The following MECOM variants were observed in gnomAD, a reference collection of about 807,000 sequenced individuals.
The protein encoded by MECOM is histone-lysine N-methyltransferase MECOM.
In MECOM, 13 loss-of-function variants were observed where a neutral mutation model predicts 116.3. The ratio of observed to expected loss-of-function variants is 0.11; its 90% CI spans 0.07 to 0.18. The LOEUF (loss-of-function observed/expected upper bound fraction) is 0.18, where lower values mean the gene tolerates loss of function less well. Among genes scored for constraint, MECOM ranks in the 10% least tolerant of loss-of-function variants. MECOM has a pLI of 1.00. For missense variants in MECOM, 1,299 were observed against 1,509.0 expected, an observed-to-expected ratio of 0.86 and a Z score of 2.31; for synonymous variants, 528 against 535.2, an observed-to-expected ratio of 0.99 and a Z score of 0.19.
intron 1 of MECOM, among the ~76,000 whole-genome samples, chr3:169,651,600 G>A (rs1168537307): frequency 6.6e-6 from 1 of 152,112 alleles, no homozygotes; most frequent in African/African-American, 2.4e-5. Flanking sequence ...CTATGGGGAT[G>A]CAAAGGCATA....
chr3:169,369,155 T>C (rs564703734), intron 2 of MECOM, among the ~76,000 whole-genome samples: 145 of 152,002 alleles, frequency 9.5e-4, no homozygotes, highest in Non-Finnish European at 1.7e-3. Context: ...CTGGACTTCA[T>C]TGACATCTTT....
intron 1 of MECOM, among the ~76,000 whole-genome samples, chr3:169,385,660 T>C (rs1429075350): frequency 4.6e-5 from 7 of 152,186 alleles, no homozygotes; most frequent in African/African-American, 1.7e-4. Context: ...AATGCCTCCA[T>C]ATACATTACT....
chr3:169,516,631 T>C (rs1756663617), intron 1 of MECOM, among the ~76,000 whole-genome samples: 3 of 152,204 alleles, frequency 2.0e-5, no homozygotes, highest in African/African-American at 7.2e-5. Context: ...TGACCACATG[T>C]GACAGACCCA....
At chr3:169,266,383 T>C (rs1328924906) in intron 2 of MECOM, among the ~76,000 whole-genome samples, 1 of 152,218 alleles carries the variant, frequency 6.6e-6, no homozygotes, top group African/African-American at 2.4e-5. Flanking sequence ...TGGGTTGCAA[T>C]TTCAAGTGTT....
At chr3:169,384,754 A>G (rs1257134706) in intron 1 of MECOM, among the ~76,000 whole-genome samples, 1 of 152,084 alleles carries the variant, frequency 6.6e-6, no homozygotes, top group Non-Finnish European at 1.5e-5. Flanking sequence ...AATTTCCCCT[A>G]CTTCCTCAAA....
chr3:169,092,755 C>T (rs986348771), intron 14 of MECOM, among the ~76,000 whole-genome samples: 4 of 152,050 alleles, frequency 2.6e-5, no homozygotes, highest in Non-Finnish European at 4.4e-5. Flanking sequence ...GTGGCTATCT[C>T]ATAGGGTTAT....
intron 1 of MECOM, among the ~76,000 whole-genome samples, chr3:169,554,828 G>A (rs1761845925): frequency 6.6e-6 from 1 of 152,160 alleles, no homozygotes; most frequent in Admixed American, 6.5e-5. Flanking sequence ...CAACAAACAA[G>A]GTGAAGGAGG....
intron 2 of MECOM, among the ~76,000 whole-genome samples, chr3:169,270,922 TGG>T (rs1478104171): frequency 6.6e-6 from 1 of 152,204 alleles, no homozygotes; most frequent in Non-Finnish European, 1.5e-5. Flanking sequence ...AAATTATTGC[TGG>T]TTTTTAAATT....
Position 169,475,597 on chromosome 3 carries a change from A to T in MECOM, c.38-94073T>A, listed in dbSNP as rs9865522. ...AAAGTCGAAGTTTTTTTTTTTTCCG[A>T]ATCTAATAGCTGTCTTAAATCGGGT... On this transcript the variant is annotated intron_variant, in intron 1 of 16. Transcript: ENST00000651503. 1.0e-2 allele frequency among the ~76,000 whole-genome samples: 1,510 copies of T among 151,654 alleles called. 19 individuals carry two copies. The highest frequency in any genetic ancestry group is 0.035 in the African/African-American group (1,451 of 41,404).
At chr3:169,122,048 A>C (rs769051360) in intron 6 of MECOM, among the ~76,000 whole-genome samples, 1 of 152,186 alleles carries the variant, frequency 6.6e-6, no homozygotes, top group Non-Finnish European at 1.5e-5. Flanking sequence ...GTCTAAGTTG[A>C]GTACTTCCAT....
At chr3:169,595,236 C>A (rs1156609708) in intron 1 of MECOM, among the ~76,000 whole-genome samples, 2 of 152,100 alleles carry the variant, frequency 1.3e-5, no homozygotes, top group Non-Finnish European at 2.9e-5. Flanking sequence ...TTACAAATTA[C>A]CTTTCTAAAC....
chr3:169,226,505 A>T (rs1300800825), intron 2 of MECOM, among the ~76,000 whole-genome samples: 1 of 152,180 alleles, frequency 6.6e-6, no homozygotes, highest in Middle Eastern at 3.2e-3. Flanking sequence ...AGGTCTGGAG[A>T]TGATATTTAT....
chr3:169,522,988 T>C (rs926811338), intron 1 of MECOM, among the ~76,000 whole-genome samples: 9 of 152,200 alleles, frequency 5.9e-5, no homozygotes, highest in African/African-American at 1.4e-4. Flanking sequence ...TTCCCCAACA[T>C]AACAGATGTC....
intron 1 of MECOM, among the ~76,000 whole-genome samples, chr3:169,525,497 C>T (rs9851550): frequency 0.45 from 68,813 of 151,958 alleles, 16,608 homozygotes; most frequent in African/African-American, 0.62. Flanking sequence ...AGTATATAGC[C>T]TTTAATGCAT....
At chr3:169,320,062 G>A (rs912992463) in intron 2 of MECOM, among the ~76,000 whole-genome samples, 5 of 152,188 alleles carry the variant, frequency 3.3e-5, no homozygotes, top group Non-Finnish European at 7.3e-5. Context: ...AGAAATAATA[G>A]TAGATAAAGA....
chr3:169,320,968 G>T (rs1046065674), intron 2 of MECOM, among the ~76,000 whole-genome samples: 1 of 152,274 alleles, frequency 6.6e-6, no homozygotes, highest in African/African-American at 2.4e-5. Context: ...CTGAGGCTCA[G>T]AGGGGCTAAT....
intron 1 of MECOM, among the ~76,000 whole-genome samples, chr3:169,460,386 AT>A (rs938086127): frequency 6.6e-6 from 1 of 152,104 alleles, no homozygotes; most frequent in African/African-American, 2.4e-5. Flanking sequence ...GAACAGACCT[AT>A]TTTTTGTCTA....
intron 1 of MECOM, among the ~76,000 whole-genome samples, chr3:169,542,718 G>C (rs1362840652): frequency 2.0e-5 from 3 of 152,116 alleles, no homozygotes; most frequent in African/African-American, 7.2e-5. Context: ...CAATCCGGTG[G>C]CAACTAAACA....
At chr3:169,584,456 T>A (rs1024783979) in intron 1 of MECOM, among the ~76,000 whole-genome samples, 1 of 150,756 alleles carries the variant, frequency 6.6e-6, no homozygotes, top group Non-Finnish European at 1.5e-5. Context: ...TCCCAGCTAC[T>A]CAGGAGGCTG....
Sources: gnomAD v4.1 joint callset for allele counts (sites outside exome capture counted in the v4.1 genomes callset) on GRCh38, gnomAD v4.1.1 for gene constraint, MANE v1.5 for transcripts, NCBI Gene and HGNC (gene_info 2026-07-23, HGNC 2026-07-21) for gene names.